METAP2: variants seen among roughly 807,000 people sequenced by gnomAD.
METAP2 encodes methionyl aminopeptidase 2.
In METAP2, 25 loss-of-function variants were observed where a neutral mutation model predicts 59.4. That is an observed-to-expected ratio of 0.42 (90% CI 0.31 to 0.59). METAP2 has a LOEUF of 0.59. Ranked by LOEUF, METAP2 falls within the 20% of genes least tolerant of loss-of-function variation. The pLI, the probability that METAP2 is intolerant of heterozygous loss-of-function variation, is 0.16. For missense variants in METAP2, 366 were observed against 581.2 expected (o/e 0.63, Z 3.81); for synonymous variants, 214 against 194.1 (o/e 1.10, Z -0.85).
rs199913836 is a variant in METAP2, at chr12:95,474,172, C to A, written c.-8C>A. On this transcript the variant is annotated 5_prime_UTR_variant, in exon 1 of 11. Transcript: ENST00000323666. ...TCTGTCTCATTCCCTCGCGCTCTCTCGGGCAACATGGCGGGTGTGGAGGAG... is the reference window on the plus strand; with the variant it reads ...TCTGTCTCATTCCCTCGCGCTCTCTAGGGCAACATGGCGGGTGTGGAGGAG... The A allele has an allele frequency of 3.3e-5, 53 of 1,613,490 alleles. No individual in the cohort carries two copies. The highest frequency in any genetic ancestry group is 4.0e-5 in the African/African-American group (3 of 75,020).
At chr12:95,479,898 C>T (rs1247271266) in intron 2 of METAP2, among the ~76,000 whole-genome samples, 1 of 152,198 alleles carries the variant, frequency 6.6e-6, no homozygotes, top group Non-Finnish European at 1.5e-5. Flanking sequence ...CGTGAGCCAC[C>T]ATACCTGGCC....
intron 4 of METAP2, among the ~76,000 whole-genome samples, chr12:95,488,979 T>C (rs969274826): frequency 6.6e-6 from 1 of 152,238 alleles, no homozygotes; most frequent in Admixed American, 6.5e-5. Context: ...TTTATCACCT[T>C]GTCTTATCCA....
At chr12:95,479,909 C>T (rs1374229346) in intron 2 of METAP2, among the ~76,000 whole-genome samples, 2 of 152,068 alleles carry the variant, frequency 1.3e-5, no homozygotes, top group African/African-American at 4.8e-5. Flanking sequence ...ATACCTGGCC[C>T]CAATAGTCAT....
At position 95,474,207 on chromosome 12, in the gene METAP2, T is replaced by C; in HGVS notation, c.28T>C (p.Ser10Pro). The C allele has an allele frequency of 6.2e-7, 1 of 1,614,030 alleles. No individual in the cohort carries two copies. Among genetic ancestry groups the C allele is most frequent in the Non-Finnish European group, 8.5e-7 (1 of 1,179,980 alleles). The change falls in exon 1 of 11, where the codon TCC (serine) becomes CCC (proline). Residue 10 changes from serine (S) to proline (P), a missense_variant. Ser to Pro is a moderately conservative substitution (Grantham distance 74). Transcript: ENST00000323666. MAGVEEVAASGSHLNGDLDP... is the reference protein window; with the variant it reads MAGVEEVAAPGSHLNGDLDP... ...GGCGGGTGTGGAGGAGGTAGCGGCCTCCGGGAGCCACCTGAATGGCGACCT... is the reference window on the plus strand; with the variant it reads ...GGCGGGTGTGGAGGAGGTAGCGGCCCCCGGGAGCCACCTGAATGGCGACCT...
At chr12:95,511,431 G>T (rs181192364) in intron 8 of METAP2, among the ~76,000 whole-genome samples, 1 of 106,884 alleles carries the variant, frequency 9.4e-6, no homozygotes, top group East Asian at 3.1e-4. Context: ...AGTTGCTTTC[G>T]CCCAGGCTGA....
chr12:95,492,460 GT>G (rs2076245975), intron 4 of METAP2, among the ~76,000 whole-genome samples: 1 of 151,856 alleles, frequency 6.6e-6, no homozygotes, highest in Admixed American at 6.6e-5. Context: ...CTGACGCTGG[GT>G]TTTTCTTATT....
intron 1 of METAP2, 76 bp downstream of exon 1, chr12:95,474,406 C>T: frequency 2.0e-6 from 3 of 1,519,014 alleles, no homozygotes; most frequent in African/African-American, 1.4e-5. Context: ...TTGAGGGGGC[C>T]GGGACCGGGG....
At position 95,495,181 on chromosome 12, in the gene METAP2, A is replaced by C. The variant is rs1219087483; in HGVS notation, c.772+43A>C. The C allele has an allele frequency of 3.9e-6, 6 of 1,523,674 alleles. No individual in the cohort carries two copies. The Admixed American group carries it at 1.1e-4, about 27-fold the overall frequency. 94.4% of individuals were successfully genotyped at this position (1,523,674 alleles called of 1,614,324 possible). On this transcript the variant is annotated intron_variant, in intron 6 of 10. Transcript: ENST00000323666. ...ATTCCTACCCCAGCCTCCTCCTGAA[A>C]AACTAGTTTTTGTCTCTGTTAAATG... is the stretch of plus-strand genomic sequence containing the variant.
At chr12:95,497,108 A>AT (rs1345192163) in intron 7 of METAP2, among the ~76,000 whole-genome samples, 2 of 152,078 alleles carry the variant, frequency 1.3e-5, no homozygotes, top group Non-Finnish European at 2.9e-5. Flanking sequence ...TACAGGCGTG[A>AT]TTCACCGCGC....
chr12:95,483,427 G>T, intron 3 of METAP2, 147 bp downstream of exon 3: 2 of 422,362 alleles, frequency 4.7e-6, no homozygotes, highest in Non-Finnish European at 8.9e-6. Context: ...AGTAAGCTGA[G>T]ATTGTGCCAC....
intron 2 of METAP2, among the ~76,000 whole-genome samples, chr12:95,478,956 C>T (rs975860201): frequency 1.3e-5 from 2 of 152,060 alleles, no homozygotes; most frequent in African/African-American, 2.4e-5. Context: ...GCCTGTAATC[C>T]CAGCTACTTG....
intron 4 of METAP2, among the ~76,000 whole-genome samples, chr12:95,487,989 G>A (rs2140145287): frequency 6.6e-6 from 1 of 152,108 alleles, no homozygotes; most frequent in East Asian, 1.9e-4. Context: ...TAGGTAGCTG[G>A]ATATGTAGGT....
chr12:95,494,027 A>G (rs755647039), intron 4 of METAP2, 29 bp from the exon 5 acceptor site: 3 of 1,597,298 alleles, frequency 1.9e-6, no homozygotes. Flanking sequence ...CTGTTTTATC[A>G]CTAATAGTAT....
At chr12:95,494,930 C>G in intron 5 of METAP2, 27 bp from the exon 6 acceptor site, 1 of 1,589,316 alleles carries the variant, frequency 6.3e-7, no homozygotes, top group Non-Finnish European at 8.6e-7. Flanking sequence ...TAAAAGTAAA[C>G]AAGTTCCCTT....
chr12:95,507,962 T>TA lies in METAP2; in HGVS notation c.964+3802dup, dbSNP rs1424317957. On this transcript the variant is annotated intron_variant, in intron 8 of 10. Coordinates refer to ENST00000323666, the MANE Select transcript of METAP2 (RefSeq NM_006838.4). ...GCAATTTTTTTTTTTTTTTTTTTTT[T>TA]AGTAGATGTGGTGTTTCTCCATGTT... Among the ~76,000 whole-genome samples the TA allele has an allele frequency of 9.3e-3, 1,364 of 146,372 alleles. 8 individuals are homozygous for TA. Among genetic ancestry groups the TA allele is most frequent in the Non-Finnish European group, 0.015 (1,012 of 66,602 alleles).
At chr12:95,479,347 G>T (rs1368598341) in intron 2 of METAP2, among the ~76,000 whole-genome samples, 2 of 152,174 alleles carry the variant, frequency 1.3e-5, no homozygotes, top group Non-Finnish European at 2.9e-5. Flanking sequence ...AGTGGACTCT[G>T]GGAGTTTGCA....
At chr12:95,503,034 G>A (rs2596765) in intron 7 of METAP2, among the ~76,000 whole-genome samples, 28,996 of 149,054 alleles carry the variant, frequency 0.19, 3,189 homozygotes, top group African/African-American at 0.29. Flanking sequence ...TTTGTGTAGT[G>A]GTAGATCTGC....
At chr12:95,496,794 A>G (rs191071305) in intron 7 of METAP2, among the ~76,000 whole-genome samples, 2 of 150,318 alleles carry the variant, frequency 1.3e-5, no homozygotes, top group African/African-American at 4.9e-5. Context: ...GACATTACAT[A>G]AAATTTACCA....
intron 1 of METAP2, 136 bp downstream of exon 1, chr12:95,474,466 C>A: frequency 1.1e-6 from 1 of 900,992 alleles, no homozygotes; most frequent in Non-Finnish European, 1.7e-6. Context: ...GGTGGCAAAG[C>A]CGGGCTATAG....
Sources: allele counts gnomAD v4.1 joint callset (sites outside exome capture counted in the v4.1 genomes callset), GRCh38; gene constraint gnomAD v4.1.1; transcripts MANE v1.5; gene names NCBI Gene and HGNC (gene_info 2026-07-23, HGNC 2026-07-21).